RBM4B: variants seen among roughly 807,000 people sequenced by gnomAD.
The protein encoded by RBM4B is RNA binding motif protein 4B, also known as RNA-binding protein 4B.
A neutral mutation model predicts 28.5 loss-of-function variants in RBM4B; 13 were observed. The observed-to-expected ratio is 0.46, with a 90% CI of 0.30 to 0.72. RBM4B has a LOEUF of 0.72. Among genes scored for constraint, RBM4B ranks in the 30% least tolerant of loss-of-function variants. The pLI, the probability that RBM4B is intolerant of heterozygous loss-of-function variation, is 0.09. For missense variants in RBM4B, 387 were observed against 477.6 expected (o/e 0.81, Z 1.77); for synonymous variants, 167 against 179.1 (o/e 0.93, Z 0.54).
At chr11:66,665,996 A>G (rs1427704215) in intron 3 of RBM4B, 1 of 1,470,196 alleles carries the variant, frequency 6.8e-7, no homozygotes, top group South Asian at 1.2e-5. Context: ...GCACTATTCT[A>G]AATGTGTTTT....
intron 2 of RBM4B, among the ~76,000 whole-genome samples, chr11:66,672,452 C>T (rs1478845611): frequency 6.8e-6 from 1 of 146,920 alleles, no homozygotes; most frequent in Non-Finnish European, 1.5e-5. Context: ...CCAAAACAAC[C>T]AGTCCTTCCA....
At position 66,669,036 on chromosome 11, in the gene RBM4B, C is replaced by T. The variant is rs201202684; in HGVS notation, c.668G>A (p.Arg223Gln). The T allele has an allele frequency of 4.3e-6, 7 of 1,614,180 alleles. No homozygotes were observed. The highest frequency in any genetic ancestry group is 2.2e-5 in the East Asian group (1 of 44,882). Reference protein sequence around the residue: ...DAYGALDYYKRYRVRSYEAVA... With the variant: ...DAYGALDYYKQYRVRSYEAVA... ...TGCCTCATAAGAGCGGACCCGGTAT[C>T]GCTTATAGTAGTCGAGTGCTCCATA... The change falls in exon 3 of 4, where the codon CGA becomes CAA. Residue 223 changes from arginine (R) to glutamine (Q), a missense_variant. Coordinates refer to ENST00000310046, the MANE Select transcript of RBM4B (RefSeq NM_031492.4).
chr11:66,666,466 G>A, intron 3 of RBM4B: 1 of 986,268 alleles, frequency 1.0e-6, no homozygotes, highest in Non-Finnish European at 1.2e-6. Flanking sequence ...ACCAACTCAG[G>A]GTTATTCAGT....
chr11:66,672,406 T>TCATCAAAAAAAAAA (rs1554972737), intron 2 of RBM4B, among the ~76,000 whole-genome samples: 1 of 59,028 alleles, frequency 1.7e-5, no homozygotes, highest in Non-Finnish European at 2.9e-5. Flanking sequence ...CAAGACTGTC[T>TCATCAAAAAAAAAA]AAAAAAAAAA....
intron 3 of RBM4B, chr11:66,665,934 T>A: frequency 6.5e-7 from 1 of 1,535,242 alleles, no homozygotes; most frequent in Non-Finnish European, 8.7e-7. Context: ...TGCAATTTAA[T>A]TTTGGAGTCC....
chr11:66,677,207 C>T (rs1939667201), intron 1 of RBM4B, 116 bp from the exon 2 acceptor site: 1 of 1,263,688 alleles, frequency 7.9e-7, no homozygotes, highest in East Asian at 2.4e-5. Context: ...CTCGTACAGA[C>T]ATTCATTATT....
chr11:66,669,182 C>T lies in RBM4B; in HGVS notation c.522G>A (p.Glu174=). Residue 174 remains glutamate, a synonymous_variant, in exon 3 of 4, where the codon GAG becomes GAA. Coordinates refer to ENST00000310046, the MANE Select transcript of RBM4B (RefSeq NM_031492.4). ...CACGACCCGTACGATCTACTGGGCA[C>T]TCTTTGGACCAGTGCCCTTCTTTCC... ...RCGKEGHWSK[E]CPVDRTGRVA... 6.2e-7 allele frequency: 1 copy of T among 1,614,214 alleles called. No individual in the cohort carries two copies. Among genetic ancestry groups the T allele is most frequent in the Admixed American group, 1.7e-5 (1 of 60,028 alleles).
rs912606424 is a variant in RBM4B at position 66,669,067 on chromosome 11, C to T, written c.637G>A (p.Asp213Asn). 7 of 1,614,014 alleles carry T rather than the reference C, an allele frequency of 4.3e-6. No homozygotes were observed. The highest frequency in any genetic ancestry group is 4.2e-6 in the Non-Finnish European group (5 of 1,180,044). The change falls in exon 3 of 4, where the codon GAT (aspartate) becomes AAT (asparagine). Residue 213 changes from aspartate to asparagine, a missense_variant. Physicochemically the swap from Asp to Asn is conservative, Grantham distance 23. Coordinates refer to ENST00000310046, the MANE Select transcript of RBM4B (RefSeq NM_031492.4). ...MGYGESMYYN[D>N]AYGALDYYKR... is the part of the protein sequence containing the mutation. ...TAGTAGTCGAGTGCTCCATATGCAT[C>T]GTTGTAATACATGGATTCCCCGTAG...
At chr11:66,677,456 T>C (rs1189617885) in intron 1 of RBM4B, 2 of 285,904 alleles carry the variant, frequency 7.0e-6, no homozygotes, top group South Asian at 4.4e-5. Flanking sequence ...GGGAAATCTG[T>C]GTACCTCTCC....
intron 2 of RBM4B, among the ~76,000 whole-genome samples, chr11:66,674,080 C>T (rs1939554049): frequency 6.6e-6 from 1 of 151,826 alleles, no homozygotes; most frequent in African/African-American, 2.4e-5. Context: ...TATGGATCCA[C>T]TGCATTATTC....
intron 2 of RBM4B, among the ~76,000 whole-genome samples, chr11:66,674,904 G>A (rs1939594211): frequency 6.6e-6 from 1 of 152,142 alleles, no homozygotes; most frequent in Non-Finnish European, 1.5e-5. Context: ...AGGGCATTCT[G>A]TATGACATTA....
chr11:66,671,642 C>A (rs948180839), intron 2 of RBM4B, among the ~76,000 whole-genome samples: 1 of 152,218 alleles, frequency 6.6e-6, no homozygotes, highest in African/African-American at 2.4e-5. Context: ...ATCCAATCTT[C>A]ATTCCTGCTT....
intron 2 of RBM4B, chr11:66,675,821 C>T (rs965183375): frequency 1.3e-5 from 2 of 152,210 alleles, no homozygotes; most frequent in Non-Finnish European, 2.9e-5. Context: ...GTCTGGTATA[C>T]ACTTGAAAAA....
Position 66,668,913 on chromosome 11 carries a change from T to C in RBM4B, c.791A>G (p.Asn264Ser), listed in dbSNP as rs371760573. ...GTCATAGGGATCAACAGAAGTAGAG[T>C]TGAGGTGGCTGGTCACAGTTGTGCT... is the stretch of plus-strand genomic sequence containing the variant. The part of the protein sequence containing the change: ...VQSTTVTSHL[N>S]STSVDPYDRH... Residue 264 changes from asparagine (N) to serine (S), a missense_variant, in exon 3 of 4, where the codon AAC (asparagine) becomes AGC (serine). Around this residue, in one of 2 missense-constraint regions of RBM4B, gnomAD observed 226 missense variants for 220.6 expected, o/e 1.02. Coordinates refer to ENST00000310046, the MANE Select transcript of RBM4B (RefSeq NM_031492.4). 1 of 1,614,048 alleles carries C rather than the reference T, an allele frequency of 6.2e-7. No homozygotes were observed. Among genetic ancestry groups the C allele is most frequent in the East Asian group, 2.2e-5 (1 of 44,876 alleles).
At chr11:66,669,452 G>GT (rs879148856) in intron 2 of RBM4B, among the ~76,000 whole-genome samples, 161 bp from the exon 3 acceptor site, 2,632 of 145,650 alleles carry the variant, frequency 0.018, 58 homozygotes, top group African/African-American at 0.056. Context: ...AAGTTTTTTT[G>GT]TTTTTTTTTT....
intron 3 of RBM4B, 186 bp downstream of exon 3, chr11:66,668,429 C>T: frequency 1.8e-6 from 1 of 559,480 alleles, no homozygotes. Context: ...GAGTCATACA[C>T]TAACACCTTG....
chr11:66,676,386 A>C lies in RBM4B; in HGVS notation c.412+282T>G, dbSNP rs770049912. 3 of 553,114 alleles carry C rather than the reference A, an allele frequency of 5.4e-6. No individual in the cohort carries two copies. The African/African-American group carries it at 5.6e-5, about 10-fold the overall frequency. The allele number at this position is 553,114 out of a possible 1,614,324, so 34.3% of individuals were successfully genotyped here. A position where few individuals can be genotyped will look rare whatever the true frequency, so the allele number is the denominator to read the frequency against. ...AGGTACTCGTTTCCCCAAGCAGATTACACTTCCAACAGCACTCGAATCAAT... is the reference window on the plus strand; with the variant it reads ...AGGTACTCGTTTCCCCAAGCAGATTCCACTTCCAACAGCACTCGAATCAAT... On this transcript the variant is annotated intron_variant, in intron 2 of 3. Coordinates refer to ENST00000310046, the MANE Select transcript of RBM4B (RefSeq NM_031492.4).
At chr11:66,675,749 T>C (rs1939615663) in intron 2 of RBM4B, 1 of 152,220 alleles carries the variant, frequency 6.6e-6, no homozygotes, top group Admixed American at 6.5e-5. Flanking sequence ...ATGATGGAAA[T>C]GTTCTGTGTC....
At chr11:66,677,227 TAGA>T (rs887511167) in intron 1 of RBM4B, 136 bp from the exon 2 acceptor site, 97 of 1,128,410 alleles carry the variant, frequency 8.6e-5, no homozygotes, top group African/African-American at 9.4e-5. Context: ...TCTTCCTCAA[TAGA>T]AGAAGGGCGG....
Sources: gnomAD v4.1 joint callset for allele counts (sites outside exome capture counted in the v4.1 genomes callset) on GRCh38, gnomAD v4.1.1 for gene constraint, gnomAD v4.1.1 regional missense constraint, MANE v1.5 for transcripts, NCBI Gene and HGNC (gene_info 2026-07-23, HGNC 2026-07-21) for gene names.